BRD10: variants seen among roughly 807,000 people sequenced by gnomAD.
BRD10 encodes bromodomain containing 10.
At chr9:5,904,003 G>A in the BRD10 span, among the ~76,000 whole-genome samples, 1 of 151,958 alleles carries the variant, frequency 6.6e-6, no homozygotes, top group Non-Finnish European at 1.5e-5. Flanking sequence ...TATTACAGGT[G>A]TGCGCCACCA....
the BRD10 span, among the ~76,000 whole-genome samples, chr9:5,948,846 T>C: frequency 5.2e-4 from 79 of 152,276 alleles, no homozygotes; most frequent in South Asian, 0.016. Flanking sequence ...TCAAAATTTA[T>C]ATTGTATTTA....
chr9:5,879,797 G>A, the BRD10 span, among the ~76,000 whole-genome samples: 5 of 152,192 alleles, frequency 3.3e-5, no homozygotes, highest in Non-Finnish European at 5.9e-5. Flanking sequence ...GAATGTCAGA[G>A]ATAATGGATT....
the BRD10 span, chr9:5,929,034 T>C: frequency 7.0e-7 from 1 of 1,426,806 alleles, no homozygotes; most frequent in South Asian, 1.2e-5. Context: ...GATTATAACA[T>C]TAAAATTACC....
At chr9:5,889,649 G>C in the BRD10 span, among the ~76,000 whole-genome samples, 1 of 152,090 alleles carries the variant, frequency 6.6e-6, no homozygotes, top group Non-Finnish European at 1.5e-5. Flanking sequence ...GCCAGGTGTG[G>C]TGGCGTGCAC....
the BRD10 span, among the ~76,000 whole-genome samples, chr9:5,999,057 CATATTG>C: frequency 6.6e-6 from 1 of 151,872 alleles, no homozygotes; most frequent in Non-Finnish European, 1.5e-5. Flanking sequence ...TCAAATTAAG[CATATTG>C]ATATTGTCAA....
At chr9:5,962,216 TA>T in the BRD10 span, among the ~76,000 whole-genome samples, 7 of 150,688 alleles carry the variant, frequency 4.6e-5, no homozygotes, top group Non-Finnish European at 7.4e-5. Flanking sequence ...TAAAAAATGA[TA>T]AAGGGGATAT....
At chr9:5,919,667 G>C in the BRD10 span, 1 of 1,568,982 alleles carries the variant, frequency 6.4e-7, no homozygotes, top group Non-Finnish European at 8.6e-7. Context: ...TTAAAAACTG[G>C]CTCTTTTAGT....
chr9:5,990,091 C>T, the BRD10 span, among the ~76,000 whole-genome samples: 2 of 152,234 alleles, frequency 1.3e-5, no homozygotes, highest in African/African-American at 2.4e-5. Flanking sequence ...TCCAAAAATA[C>T]TGAAGAATTT....
the BRD10 span, among the ~76,000 whole-genome samples, chr9:5,880,076 T>A: frequency 6.6e-6 from 1 of 151,534 alleles, no homozygotes; most frequent in Non-Finnish European, 1.5e-5. Flanking sequence ...CACAGCACCA[T>A]GCCCAGCTAA....
At chr9:5,887,927 T>C in the BRD10 span, among the ~76,000 whole-genome samples, 1 of 152,214 alleles carries the variant, frequency 6.6e-6, no homozygotes, top group Non-Finnish European at 1.5e-5. Flanking sequence ...CTAATAAAGA[T>C]CAACCCTTCT....
the BRD10 span, chr9:5,988,336 A>T: frequency 1.3e-6 from 2 of 1,593,716 alleles, no homozygotes; most frequent in Non-Finnish European, 1.7e-6. Flanking sequence ...TTTTTTTCTT[A>T]ACATTTACCT....
chr9:5,969,399 T>C, the BRD10 span: 275 of 1,588,774 alleles, frequency 1.7e-4, 1 homozygote, highest in Admixed American at 5.7e-4. Context: ...TCCTTTTGAC[T>C]AGCTTCTTCT....
chr9:5,978,468 G>A, the BRD10 span, among the ~76,000 whole-genome samples: 1 of 149,996 alleles, frequency 6.7e-6, no homozygotes, highest in Admixed American at 6.6e-5. Context: ...AGGGAAGCAA[G>A]ATATTTATTT....
At chr9:5,988,542 G>C in the BRD10 span, 2 of 1,612,240 alleles carry the variant, frequency 1.2e-6, no homozygotes, top group Non-Finnish European at 1.7e-6. Context: ...TTTCTCTCAA[G>C]TGCCTTGGAG....
chr9:6,006,657 G>C, the BRD10 span, among the ~76,000 whole-genome samples: 1 of 152,154 alleles, frequency 6.6e-6, no homozygotes, highest in Non-Finnish European at 1.5e-5. Flanking sequence ...GAAACGGAGA[G>C]AAAAGATCAG....
chr9:5,930,933 G>A, the BRD10 span, among the ~76,000 whole-genome samples: 1 of 152,196 alleles, frequency 6.6e-6, no homozygotes. Context: ...AAATTAGGTA[G>A]ACTTGTAACC....
the BRD10 span, among the ~76,000 whole-genome samples, chr9:5,884,842 C>T: frequency 6.6e-6 from 1 of 152,322 alleles, no homozygotes; most frequent in South Asian, 2.1e-4. Flanking sequence ...TTTATTAGTG[C>T]TCTTCTCTGC....
chr9:5,988,075 A>G, the BRD10 span, among the ~76,000 whole-genome samples: 6 of 152,254 alleles, frequency 3.9e-5, no homozygotes, highest in Admixed American at 3.9e-4. Flanking sequence ...CCTCTAATTT[A>G]AAACTTATAA....
At chr9:5,879,843 T>C in the BRD10 span, among the ~76,000 whole-genome samples, 111 of 152,312 alleles carry the variant, frequency 7.3e-4, no homozygotes, top group Non-Finnish European at 1.4e-3. Context: ...AAAAATCCCA[T>C]AGCTCGGATC....
Sources: allele counts gnomAD v4.1 joint callset (sites outside exome capture counted in the v4.1 genomes callset), GRCh38; gene constraint gnomAD v4.1.1; transcripts MANE v1.5; gene names NCBI Gene and HGNC (gene_info 2026-07-23, HGNC 2026-07-21).